The following ANKRD13A variants were observed in gnomAD, a reference collection of about 807,000 sequenced individuals.
ANKRD13A encodes ankyrin repeat domain 13A, also known as ankyrin repeat domain-containing protein 13A.
In ANKRD13A, 48 loss-of-function variants were observed where a neutral mutation model predicts 81.3. That is an observed-to-expected ratio of 0.59 (90% confidence interval 0.47 to 0.75). The LOEUF (loss-of-function observed/expected upper bound fraction) is 0.75. Ranked by LOEUF, ANKRD13A falls within the 30% of genes least tolerant of loss-of-function variation. The pLI is 0.00. For synonymous variants in ANKRD13A, 230 were observed against 270.1 expected (o/e 0.85, Z 1.45); for missense variants, 612 against 734.0 (o/e 0.83, Z 1.92).
At chr12:110,002,194 A>G (rs1024765612) in intron 1 of ANKRD13A, among the ~76,000 whole-genome samples, 1 of 152,266 alleles carries the variant, frequency 6.6e-6, no homozygotes, top group African/African-American at 2.4e-5. Context: ...GCATATGGTA[A>G]TTGGAAACAA....
chr12:110,011,678 A>C (rs1047870320), intron 1 of ANKRD13A, among the ~76,000 whole-genome samples: 8 of 152,212 alleles, frequency 5.3e-5, no homozygotes, highest in African/African-American at 1.9e-4. Flanking sequence ...ATTGCATTTC[A>C]TGAAAGCTCC....
intron 12 of ANKRD13A, among the ~76,000 whole-genome samples, chr12:110,033,588 C>T (rs1298350053): frequency 2.0e-5 from 3 of 151,866 alleles, no homozygotes; most frequent in African/African-American, 4.8e-5. Flanking sequence ...TGACTGTGTT[C>T]GTTGTTTCCA....
chr12:110,012,032 C>G lies in ANKRD13A; in HGVS notation c.124C>G (p.Arg42Gly), dbSNP rs760763747. Residue 42 changes from arginine (R) to glycine (G), a missense_variant, in exon 2 of 15, where the codon CGA (arginine) becomes GGA (glycine). Transcript: ENST00000261739. Reference sequence around the variant, plus strand: ...TGTGGAGGCTGTGGACCCACGAGGTCGAACATTATTGCATCTTGCTGTTTC... The same window carrying G: ...TGTGGAGGCTGTGGACCCACGAGGTGGAACATTATTGCATCTTGCTGTTTC... ...QNVEAVDPRGRTLLHLAVSLG... is the reference protein window; with the variant it reads ...QNVEAVDPRGGTLLHLAVSLG... 5 of 1,609,758 alleles carry G rather than the reference C, an allele frequency of 3.1e-6. No homozygotes were observed. The highest frequency in any genetic ancestry group is 4.2e-6 in the Non-Finnish European group (5 of 1,176,536).
chr12:110,024,150 A>G (rs781412100), intron 7 of ANKRD13A, 38 bp downstream of exon 7: 3 of 1,546,758 alleles, frequency 1.9e-6, no homozygotes, highest in Non-Finnish European at 2.6e-6. Context: ...TAATATAGCT[A>G]TTTAGCTTCT....
chr12:110,039,085 TTGTC>T lies in ANKRD13A; in HGVS notation c.*1534_*1537del, dbSNP rs1004150205. The T allele has an allele frequency of 6.6e-6, 1 of 151,768 alleles. No homozygotes were observed. Among genetic ancestry groups the T allele is most frequent in the African/African-American group, 2.4e-5 (1 of 41,180 alleles). 9.4% of individuals were successfully genotyped at this position (151,768 alleles called of 1,614,324 possible). A position where few individuals can be genotyped will look rare whatever the true frequency, so the allele number is the denominator to read the frequency against. ...TCTGTTTTGTTTTTTTTTTTTGTCA[TTGTC>T]TGACCAAAATTCCTTCTGCACATGA... On this transcript the variant is annotated 3_prime_UTR_variant, in exon 15 of 15. Transcript: ENST00000261739.
rs1478081901 is a variant in ANKRD13A at position 110,036,965 on chromosome 12, C to T, written c.1578-394C>T. On this transcript the variant is annotated intron_variant, in intron 14 of 14. Coordinates refer to ENST00000261739, the MANE Select transcript of ANKRD13A (RefSeq NM_033121.2). This position sits in a 1 kb window ranked among gnomAD's most constrained non-coding sequence, Gnocchi z 4.6. ...TGTATGATCACAGGGCCTAGATGTCCTCAGTGGGAAGTTTATATAATTGTA... is the reference window on the plus strand; with the variant it reads ...TGTATGATCACAGGGCCTAGATGTCTTCAGTGGGAAGTTTATATAATTGTA... Among the ~76,000 whole-genome samples, 1 of 152,108 alleles carries T rather than the reference C, an allele frequency of 6.6e-6. No individual in the cohort carries two copies. The highest frequency in any genetic ancestry group is 1.5e-5 in the Non-Finnish European group (1 of 68,020).
intron 8 of ANKRD13A, 138 bp downstream of exon 8, chr12:110,025,961 T>A: frequency 6.5e-6 from 4 of 617,816 alleles, no homozygotes; most frequent in South Asian, 2.3e-5. Flanking sequence ...TCTCTCTCTC[T>A]CTCTTTTTTT....
chr12:110,037,257 TG>T, intron 14 of ANKRD13A, 101 bp from the exon 15 acceptor site: 1 of 1,179,904 alleles, frequency 8.5e-7, no homozygotes, highest in Non-Finnish European at 1.2e-6. Context: ...ATTAAATGCC[TG>T]GCACAGTGTG....
chr12:110,016,274 T>G, intron 3 of ANKRD13A, 114 bp from the exon 4 acceptor site: 4 of 802,490 alleles, frequency 5.0e-6, no homozygotes, highest in Non-Finnish European at 5.5e-6. Flanking sequence ...TTTCTTCTTA[T>G]TTTCTCTTTT....
In ANKRD13A at chr12:110,018,416, G is replaced by A. The variant is rs1215030113; in HGVS notation, c.472G>A (p.Asp158Asn). The A allele has an allele frequency of 1.9e-5, 30 of 1,613,982 alleles. No homozygotes were observed. Among genetic ancestry groups the A allele is most frequent in the East Asian group, 2.2e-5 (1 of 44,898 alleles). Residue 158 changes from aspartate (D) to asparagine (N), a missense_variant, in exon 5 of 15, where the codon GAT becomes AAT. By Grantham distance (23) the Asp-to-Asn change is conservative (BLOSUM62 1). Transcript: ENST00000261739. The surrounding 1 kb of genome is among the most constrained non-coding windows in gnomAD (Gnocchi z 4.4). ...GAAAAGTGGTGCCAAACTGCGCGTC[G>A]ATATCACATTGCTGGGATTTGAAAA... Reference protein sequence around the residue: ...IWKSGAKLRVDITLLGFENMS... With the variant: ...IWKSGAKLRVNITLLGFENMS...
intron 6 of ANKRD13A, among the ~76,000 whole-genome samples, chr12:110,023,151 G>A (rs763873002): frequency 4.6e-5 from 7 of 152,228 alleles, no homozygotes; most frequent in Non-Finnish European, 1.0e-4. Flanking sequence ...GGCTGTTGCC[G>A]TAGCCAGGGC....
At chr12:110,019,473 T>G in intron 6 of ANKRD13A, 145 bp downstream of exon 6, 2 of 716,104 alleles carry the variant, frequency 2.8e-6, no homozygotes, top group South Asian at 3.2e-5. Context: ...GATTGATCTC[T>G]AACCAGTAGA....
chr12:110,003,321 C>T (rs537449435), intron 1 of ANKRD13A, among the ~76,000 whole-genome samples: 1 of 152,334 alleles, frequency 6.6e-6, no homozygotes, highest in East Asian at 1.9e-4. Context: ...TCACTCCAGC[C>T]TGGGGCAGGC....
At chr12:110,015,735 T>TG in intron 3 of ANKRD13A, among the ~76,000 whole-genome samples, 1 of 152,148 alleles carries the variant, frequency 6.6e-6, no homozygotes, top group Non-Finnish European at 1.5e-5. Context: ...ATAGTGGAGA[T>TG]GGGGTTTCAC....
At chr12:110,017,159 C>T (rs1396676734) in intron 4 of ANKRD13A, among the ~76,000 whole-genome samples, 1 of 152,138 alleles carries the variant, frequency 6.6e-6, no homozygotes, top group African/African-American at 2.4e-5. Context: ...ATCCAACTGC[C>T]CCAGCCCCCC....
At chr12:110,028,806 C>T (rs1891504748) in intron 10 of ANKRD13A, 164 bp downstream of exon 10, 35 of 809,722 alleles carry the variant, frequency 4.3e-5, no homozygotes, top group Non-Finnish European at 5.9e-5. Flanking sequence ...GGCACGAACT[C>T]GGCTCACTGC....
In ANKRD13A at chr12:109,999,548, G is replaced by A. The variant is rs1278801887; in HGVS notation, c.-141G>A. The A allele has an allele frequency of 5.4e-6, 3 of 557,366 alleles. No homozygotes were observed. The highest frequency in any genetic ancestry group is 4.0e-5 in the African/African-American group (2 of 50,330). 34.5% of individuals were successfully genotyped at this position (557,366 alleles called of 1,614,324 possible). A position where few individuals can be genotyped will look rare whatever the true frequency, so the allele number is the denominator to read the frequency against. On this transcript the variant is annotated 5_prime_UTR_variant, in exon 1 of 15. Coordinates refer to ENST00000261739, the MANE Select transcript of ANKRD13A (RefSeq NM_033121.2). The surrounding 1 kb of genome is among the most constrained non-coding windows in gnomAD (Gnocchi z 4.3). ...CGGACCTCCCGCGCGCCCCGCACCCGACCGGCTCAGCCGGCCGGCAGCGTA... is the reference window on the plus strand; with the variant it reads ...CGGACCTCCCGCGCGCCCCGCACCCAACCGGCTCAGCCGGCCGGCAGCGTA...
intron 3 of ANKRD13A, 59 bp from the exon 4 acceptor site, chr12:110,016,329 C>T (rs1890802657): frequency 7.7e-7 from 1 of 1,296,718 alleles, no homozygotes; most frequent in African/African-American, 1.5e-5. Context: ...TTAACCCCTG[C>T]TTATGTTGTG....
chr12:110,033,117 G>A (rs1465286622), intron 12 of ANKRD13A, among the ~76,000 whole-genome samples: 6 of 148,958 alleles, frequency 4.0e-5, no homozygotes, highest in African/African-American at 9.9e-5. Flanking sequence ...GCAGTGGTGC[G>A]ATCTTGGCTC....
Sources: allele counts gnomAD v4.1 joint callset (sites outside exome capture counted in the v4.1 genomes callset), GRCh38; gene constraint gnomAD v4.1.1; non-coding constraint Gnocchi (gnomAD v3.1); transcripts MANE v1.5; gene names NCBI Gene and HGNC (gene_info 2026-07-23, HGNC 2026-07-21).